Variants in F8 observed in about 807,000 individuals in gnomAD.
F8 encodes the protein antihemophilic factor.
F8 carries 12 observed loss-of-function variants against 140.6 expected under a neutral mutation model. The observed-to-expected ratio is 0.09, with a 90% CI of 0.05 to 0.14. The LOEUF (loss-of-function observed/expected upper bound fraction) is 0.14, where lower values mean the gene tolerates loss of function less well. F8 is among the 10% of genes least tolerant of loss of function. The pLI is 1.00. For missense variants in F8, 1,354 were observed against 1,720.7 expected (o/e 0.79, Z 3.77); for synonymous variants, 585 against 614.6 (o/e 0.95, Z 0.71).
At chrX:154,932,565 G>A (rs2073203600) in intron 13 of F8, among the ~76,000 whole-genome samples, 1 of 112,017 alleles carries the variant, frequency 8.9e-6, no homozygotes, top group Non-Finnish European at 1.9e-5. Context: ...AAAGCCCTGT[G>A]AATGCTTACA....
intron 4 of F8, among the ~76,000 whole-genome samples, chrX:154,988,777 A>G (rs1027122945): frequency 5.4e-5 from 6 of 111,829 alleles, no homozygotes; most frequent in Non-Finnish European, 5.6e-5. Flanking sequence ...CTGAGTTTCC[A>G]CAAAGCCATG....
intron 1 of F8, among the ~76,000 whole-genome samples, chrX:155,001,060 T>C (rs1314819311): frequency 9.0e-6 from 1 of 111,685 alleles, no homozygotes; most frequent in Non-Finnish European, 1.9e-5. Context: ...ATTTATCACT[T>C]GTTTATTTCT....
chrX:154,857,909 C>T (rs368104802), intron 25 of F8, among the ~76,000 whole-genome samples: 4 of 112,326 alleles, frequency 3.6e-5, no homozygotes, highest in South Asian at 3.7e-4. Context: ...GAAGCCAAGG[C>T]GGGAGGATCA....
intron 6 of F8, among the ~76,000 whole-genome samples, chrX:154,981,591 C>T (rs922537122): frequency 2.7e-5 from 3 of 110,712 alleles, no homozygotes; most frequent in South Asian, 7.8e-4. Flanking sequence ...TCTCCAGGAA[C>T]CTCCATGCGT....
At chrX:154,855,034 C>T (rs1182900650) in intron 25 of F8, among the ~76,000 whole-genome samples, 1 of 111,278 alleles carries the variant, frequency 9.0e-6, no homozygotes, top group Non-Finnish European at 1.9e-5. Context: ...GCATGATAAT[C>T]GCTTGAACCT....
At chrX:154,849,519 TG>T (rs1453615454) in intron 25 of F8, among the ~76,000 whole-genome samples, 3 of 103,046 alleles carry the variant, frequency 2.9e-5, no homozygotes, top group Non-Finnish European at 5.9e-5. Context: ...CTGAACCTCC[TG>T]GGCTCAAGTG....
chrX:154,893,009 G>A (rs1246062923), intron 22 of F8, among the ~76,000 whole-genome samples: 1 of 111,478 alleles, frequency 9.0e-6, no homozygotes, highest in Non-Finnish European at 1.9e-5. Context: ...GGCTTCATCT[G>A]CATGACAGAA....
At chrX:154,852,733 C>CA (rs138789441) in intron 25 of F8, among the ~76,000 whole-genome samples, 12,372 of 103,378 alleles carry the variant, frequency 0.12, 668 homozygotes, top group South Asian at 0.34. Flanking sequence ...TTCTATTCCT[C>CA]AAAAAAAAAA....
At chrX:154,896,258 T>G (rs1328161217) in intron 21 of F8, 26 bp from the exon 22 acceptor site, 2 of 1,190,261 alleles carry the variant, frequency 1.7e-6, no homozygotes, top group Non-Finnish European at 2.3e-6. Context: ...ACACTTTATT[T>G]TAACCTATTT....
intron 25 of F8, among the ~76,000 whole-genome samples, chrX:154,851,615 A>G (rs2072616101): frequency 9.0e-6 from 1 of 111,132 alleles, no homozygotes; most frequent in Non-Finnish European, 1.9e-5. Context: ...CAGGTTTGAA[A>G]TGCTATCTCA....
chrX:154,874,857 T>G (rs1463592765), intron 22 of F8, among the ~76,000 whole-genome samples: 2 of 111,815 alleles, frequency 1.8e-5, no homozygotes, highest in African/African-American at 6.5e-5. Context: ...CTGTTATATA[T>G]CCAAAGGATA....
chrX:154,987,368 T>G, intron 4 of F8, 63 bp from the exon 5 acceptor site: 1 of 958,003 alleles, frequency 1.0e-6, no homozygotes, highest in Non-Finnish European at 1.5e-6. Flanking sequence ...AAATTGTCAC[T>G]AGGAGGAGAC....
At chrX:154,958,774 C>T (rs1176231590) in intron 10 of F8, among the ~76,000 whole-genome samples, 8 of 110,822 alleles carry the variant, frequency 7.2e-5, no homozygotes, top group African/African-American at 9.9e-5. Context: ...CCACAATGCC[C>T]GGCTATTTTT....
chrX:154,876,340 C>T (rs1160988952), intron 22 of F8, among the ~76,000 whole-genome samples: 4 of 110,371 alleles, frequency 3.6e-5, no homozygotes, highest in African/African-American at 9.9e-5. Context: ...AGGATGGTCT[C>T]AATCTCCTGA....
chrX:154,910,338 G>A (rs947337144), intron 14 of F8, among the ~76,000 whole-genome samples: 4 of 107,500 alleles, frequency 3.7e-5, no homozygotes, highest in South Asian at 4.3e-4. Flanking sequence ...ACCAAACACC[G>A]CATGTTCTTA....
At chrX:154,998,756 C>G (rs1412821282) in intron 2 of F8, among the ~76,000 whole-genome samples, 3 of 112,000 alleles carry the variant, frequency 2.7e-5, no homozygotes, top group Non-Finnish European at 5.6e-5. Flanking sequence ...GGCCTTACAC[C>G]TAACAATGGT....
chrX:154,850,902 G>A (rs782331029), intron 25 of F8, among the ~76,000 whole-genome samples: 3 of 111,711 alleles, frequency 2.7e-5, no homozygotes, highest in East Asian at 2.8e-4. Flanking sequence ...TGCAAAATTC[G>A]CAAACATAAA....
rs190608698 is a variant in F8, at chrX:154,975,638, G to A, written c.788-6086C>T. Among the ~76,000 whole-genome samples, 59 of 112,009 alleles carry A rather than the reference G, an allele frequency of 5.3e-4. 1 individual carries two copies. In the Admixed American group the frequency reaches 5.6e-3, roughly 11 times the overall value. ...TGTTGATATTTTGTCTGGATGATCT[G>A]TCCATTGGTGAAAGTGGGGTGTTAA... On this transcript the variant is annotated intron_variant, in intron 6 of 25. Coordinates refer to ENST00000360256, the MANE Select transcript of F8 (RefSeq NM_000132.4).
In F8 at chrX:154,930,252, C is replaced by T. The variant is rs782113486; in HGVS notation, c.3538G>A (p.Val1180Ile). The T allele has an allele frequency of 2.6e-5, 32 of 1,208,722 alleles. No homozygotes were observed. The highest frequency in any genetic ancestry group is 7.0e-5 in the African/African-American group (4 of 57,178). ...GGAAAAACCATCTCTTTGAGTCCTA[C>T]GTCCTTTGTAAATTCACCCTTTCCT... ...VVGKGEFTKDVGLKEMVFPSS... is the reference protein window; with the variant it reads ...VVGKGEFTKDIGLKEMVFPSS... The change falls in exon 14 of 26, where the codon GTA becomes ATA. Residue 1180 changes from valine (V) to isoleucine (I), a missense_variant. By Grantham distance (29) the Val-to-Ile change is conservative. Around this residue, in one of 4 missense-constraint regions of F8, gnomAD observed 658 missense variants for 666.5 expected, o/e 0.99. Coordinates refer to ENST00000360256, the MANE Select transcript of F8 (RefSeq NM_000132.4).
Sources: allele counts gnomAD v4.1 joint callset (sites outside exome capture counted in the v4.1 genomes callset), GRCh38; gene constraint gnomAD v4.1.1; regional missense constraint gnomAD v4.1.1; transcripts MANE v1.5; gene names NCBI Gene and HGNC (gene_info 2026-07-23, HGNC 2026-07-21).